ADGRB3: variants seen among roughly 807,000 people sequenced by gnomAD.
The protein encoded by ADGRB3 is brain-specific angiogenesis inhibitor 3.
ADGRB3 carries 37 observed loss-of-function variants against 193.4 expected under a neutral mutation model. The ratio of observed to expected loss-of-function variants is 0.19; its 90% CI spans 0.15 to 0.25. ADGRB3 has a LOEUF of 0.25. Among genes scored for constraint, ADGRB3 ranks in the 10% least tolerant of loss-of-function variants. The pLI, the probability that ADGRB3 is intolerant of heterozygous loss-of-function variation, is 1.00. For synonymous variants in ADGRB3, 690 were observed against 644.2 expected (o/e 1.07, Z -1.08); for missense variants, 1,637 against 1,852.9 (o/e 0.88, Z 2.14).
chr6:68,854,613 A>T (rs2127392251), intron 3 of ADGRB3, among the ~76,000 whole-genome samples: 1 of 152,228 alleles, frequency 6.6e-6, no homozygotes, highest in Non-Finnish European at 1.5e-5. Context: ...GCCTATAAAA[A>T]ACTGTCCTCA....
chr6:69,178,021 A>T (rs752119836), intron 17 of ADGRB3, among the ~76,000 whole-genome samples: 1 of 152,134 alleles, frequency 6.6e-6, no homozygotes, highest in Non-Finnish European at 1.5e-5. Flanking sequence ...GATCTGTCTA[A>T]TGCTGTCAGT....
intron 10 of ADGRB3, among the ~76,000 whole-genome samples, chr6:68,986,582 G>C (rs1769083070): frequency 6.6e-6 from 1 of 152,018 alleles, no homozygotes; most frequent in Non-Finnish European, 1.5e-5. Flanking sequence ...GAGACTTCAG[G>C]TAGATTTATA....
intron 17 of ADGRB3, among the ~76,000 whole-genome samples, chr6:69,228,189 G>A (rs570190893): frequency 2.6e-5 from 4 of 152,216 alleles, no homozygotes; most frequent in African/African-American, 7.2e-5. Context: ...CCCAGGAGGC[G>A]GAGGTTGCAG....
At chr6:68,995,015 G>A (rs1769344436) in intron 11 of ADGRB3, among the ~76,000 whole-genome samples, 1 of 152,088 alleles carries the variant, frequency 6.6e-6, no homozygotes, top group Admixed American at 6.6e-5. Flanking sequence ...AAAATCATAT[G>A]CATATACTGC....
chr6:68,800,853 G>C (rs1187942987), intron 3 of ADGRB3, among the ~76,000 whole-genome samples: 1 of 152,152 alleles, frequency 6.6e-6, no homozygotes, highest in Non-Finnish European at 1.5e-5. Flanking sequence ...GCTGCTGTGG[G>C]AGCACAGAGA....
Position 69,379,911 on chromosome 6 carries a change from G to A in ADGRB3, c.4276-2920G>A, listed in dbSNP as rs76585520. ...CATTTGTTTCCATATTCATTTCAGC[G>A]TCCTTCAGCTTTATTATTCAGAATA... is the stretch of plus-strand genomic sequence containing the variant. On this transcript the variant is annotated intron_variant, in intron 30 of 31. Transcript: ENST00000370598. Among the ~76,000 whole-genome samples the A allele has an allele frequency of 3.2e-4, 49 of 151,988 alleles. No individual in the cohort carries two copies. The East Asian group carries it at 5.8e-3, about 18-fold the overall frequency.
intron 3 of ADGRB3, among the ~76,000 whole-genome samples, chr6:68,665,377 A>G (rs1272091996): frequency 6.6e-6 from 1 of 151,798 alleles, no homozygotes; most frequent in Non-Finnish European, 1.5e-5. Context: ...TTGGAAGAAA[A>G]GATAAAAAAG....
intron 29 of ADGRB3, among the ~76,000 whole-genome samples, chr6:69,363,976 G>T (rs1449405849): frequency 6.6e-6 from 1 of 151,976 alleles, no homozygotes; most frequent in Non-Finnish European, 1.5e-5. Context: ...AGTCTTAGAA[G>T]ATAATGTTAA....
At chr6:68,956,952 C>A in intron 8 of ADGRB3, 143 bp downstream of exon 8, 1 of 869,360 alleles carries the variant, frequency 1.2e-6, no homozygotes, top group Non-Finnish European at 1.7e-6. Context: ...TGTTTCTGTA[C>A]TATGTGGGGC....
At chr6:69,184,536 C>T (rs935697526) in intron 17 of ADGRB3, among the ~76,000 whole-genome samples, 1 of 152,062 alleles carries the variant, frequency 6.6e-6, no homozygotes, top group African/African-American at 2.4e-5. Flanking sequence ...TAAAATTTAT[C>T]ATCCTAAAAC....
At chr6:68,963,562 C>T (rs1768292794) in intron 8 of ADGRB3, among the ~76,000 whole-genome samples, 1 of 152,060 alleles carries the variant, frequency 6.6e-6, no homozygotes, top group Admixed American at 6.6e-5. Flanking sequence ...TTTTAATATA[C>T]ATTTGTTCAT....
intron 16 of ADGRB3, among the ~76,000 whole-genome samples, chr6:69,066,710 A>C (rs561016513): frequency 2.6e-5 from 4 of 152,106 alleles, no homozygotes; most frequent in Admixed American, 2.0e-4. Context: ...TTTAGTGCTT[A>C]AGCATAACAA....
intron 17 of ADGRB3, among the ~76,000 whole-genome samples, chr6:69,151,485 A>G (rs750411884): frequency 1.3e-5 from 2 of 152,178 alleles, no homozygotes; most frequent in Non-Finnish European, 2.9e-5. Flanking sequence ...GAGAGTTGGC[A>G]TCAGTCATTC....
rs534914060 is a variant in ADGRB3, at chr6:68,924,843, A to G, written c.758-5716A>G. ...AGCATCAGTTAATCTCTTAAATGTT[A>G]ATGATATATTTATCAGATTTCTACT... On this transcript the variant is annotated intron_variant, in intron 3 of 31. Coordinates refer to ENST00000370598, the MANE Select transcript of ADGRB3 (RefSeq NM_001704.3). 3.3e-5 allele frequency among the ~76,000 whole-genome samples: 5 copies of G among 152,074 alleles called. No individual in the cohort carries two copies. The South Asian group carries it at 6.2e-4, about 19-fold the overall frequency.
intron 20 of ADGRB3, among the ~76,000 whole-genome samples, chr6:69,287,107 A>G (rs915330554): frequency 1.3e-5 from 2 of 152,212 alleles, no homozygotes; most frequent in African/African-American, 4.8e-5. Flanking sequence ...TGGTGTAAAG[A>G]AAAAATGAAG....
intron 3 of ADGRB3, among the ~76,000 whole-genome samples, chr6:68,899,602 C>T (rs1450222365): frequency 6.6e-6 from 1 of 151,964 alleles, no homozygotes; most frequent in Admixed American, 6.6e-5. Flanking sequence ...TCATCCATGT[C>T]CCTACAAAAG....
intron 3 of ADGRB3, among the ~76,000 whole-genome samples, chr6:68,895,835 AT>A (rs554542462): frequency 5.8e-4 from 88 of 151,778 alleles, no homozygotes; most frequent in African/African-American, 1.7e-3. Flanking sequence ...GAAATAACTT[AT>A]TTTTTTTAAG....
At chr6:69,360,061 T>C (rs1292497517) in intron 28 of ADGRB3, among the ~76,000 whole-genome samples, 1 of 151,872 alleles carries the variant, frequency 6.6e-6, no homozygotes. Context: ...TTGGTTTGGT[T>C]TGCATTTTTG....
chr6:68,892,780 A>G (rs867843217), intron 3 of ADGRB3, among the ~76,000 whole-genome samples: 1 of 152,186 alleles, frequency 6.6e-6, no homozygotes, highest in East Asian at 1.9e-4. Context: ...AGAAACTTAT[A>G]TAGACAAATT....
Sources: gnomAD v4.1 joint callset for allele counts (sites outside exome capture counted in the v4.1 genomes callset) on GRCh38, gnomAD v4.1.1 for gene constraint, MANE v1.5 for transcripts, NCBI Gene and HGNC (gene_info 2026-07-23, HGNC 2026-07-21) for gene names.